Variants in PDE1A observed in about 807,000 individuals in gnomAD.
PDE1A encodes the protein dual specificity calcium/calmodulin-dependent 3',5'-cyclic nucleotide phosphodiesterase 1A.
A neutral mutation model predicts 61.7 loss-of-function variants in PDE1A; 35 were observed. The observed-to-expected ratio is 0.57, with a 90% CI of 0.43 to 0.75. PDE1A has a LOEUF of 0.75. Ranked by LOEUF, PDE1A falls within the 30% of genes least tolerant of loss-of-function variation. PDE1A has a pLI of 0.00. For missense variants in PDE1A, 597 were observed against 630.6 expected, an observed-to-expected ratio of 0.95 and a Z score of 0.57; for synonymous variants, 232 against 213.2, an observed-to-expected ratio of 1.09 and a Z score of -0.77.
the PDE1A span, among the ~76,000 whole-genome samples, chr2:182,681,257 T>C: frequency 2.2e-4 from 34 of 152,126 alleles, 2 homozygotes; most frequent in South Asian, 6.8e-3. Context: ...ATATATAGCC[T>C]AGCTCTTCAA....
At chr2:182,364,473 A>AAAAAAAAAAC (rs1699708148) in intron 1 of PDE1A, among the ~76,000 whole-genome samples, 1 of 123,502 alleles carries the variant, frequency 8.1e-6, no homozygotes, top group African/African-American at 3.0e-5. Flanking sequence ...TGGTAAAAAA[A>AAAAAAAAAAC]AAAAAAAAAA....
chr2:182,181,186 T>G (rs1247884578), intron 13 of PDE1A, among the ~76,000 whole-genome samples: 1 of 152,322 alleles, frequency 6.6e-6, no homozygotes, highest in Middle Eastern at 3.4e-3. Context: ...TTTGGAATTT[T>G]CAGCGTTTTT....
chr2:182,417,811 G>A (rs1703012422), intron 1 of PDE1A, among the ~76,000 whole-genome samples: 1 of 151,964 alleles, frequency 6.6e-6, no homozygotes, highest in African/African-American at 2.4e-5. Context: ...CAGAGTTAAC[G>A]AATCAAAATC....
chr2:182,513,927 G>A (rs950968299), intron 2 of PDE1A, among the ~76,000 whole-genome samples: 1 of 152,162 alleles, frequency 6.6e-6, no homozygotes, highest in Non-Finnish European at 1.5e-5. Context: ...CAACACTGGA[G>A]CATCCAGATT....
the PDE1A span, among the ~76,000 whole-genome samples, chr2:182,668,852 TC>T: frequency 3.3e-5 from 5 of 152,090 alleles, no homozygotes. Flanking sequence ...ACTCTCTCTC[TC>T]TCTCCTGCCT....
At chr2:182,203,029 A>G (rs1686792829) in intron 8 of PDE1A, among the ~76,000 whole-genome samples, 1 of 151,130 alleles carries the variant, frequency 6.6e-6, no homozygotes, top group South Asian at 2.1e-4. Flanking sequence ...AAAAAACTAT[A>G]TATTGGCTGG....
intron 1 of PDE1A, among the ~76,000 whole-genome samples, chr2:182,327,330 G>T (rs1207526667): frequency 6.6e-6 from 1 of 152,084 alleles, no homozygotes; most frequent in Non-Finnish European, 1.5e-5. Context: ...AGAAAATGTA[G>T]GCAATGTGGA....
intron 1 of PDE1A, among the ~76,000 whole-genome samples, chr2:182,304,981 C>T (rs1401111218): frequency 6.6e-6 from 1 of 152,090 alleles, no homozygotes; most frequent in Non-Finnish European, 1.5e-5. Flanking sequence ...ATAAAGACCC[C>T]AACTCCATTG....
At chr2:182,594,108 TAAG>T in the PDE1A span, among the ~76,000 whole-genome samples, 1 of 152,198 alleles carries the variant, frequency 6.6e-6, no homozygotes, top group Non-Finnish European at 1.5e-5. Flanking sequence ...GCTGAAATAA[TAAG>T]GTGAGATTAA....
chr2:182,605,377 G>C, the PDE1A span, among the ~76,000 whole-genome samples: 1 of 151,966 alleles, frequency 6.6e-6, no homozygotes, highest in African/African-American at 2.4e-5. Flanking sequence ...CCAGGCAGAG[G>C]TGTCATTCCA....
intron 2 of PDE1A, among the ~76,000 whole-genome samples, chr2:182,519,003 A>C (rs1690388680): frequency 6.6e-6 from 1 of 152,164 alleles, no homozygotes; most frequent in Non-Finnish European, 1.5e-5. Flanking sequence ...GCAACAGTAC[A>C]TGACACAAAA....
At chr2:182,636,025 G>A in the PDE1A span, among the ~76,000 whole-genome samples, 3 of 136,912 alleles carry the variant, frequency 2.2e-5, no homozygotes, top group Admixed American at 7.9e-5. Flanking sequence ...GCACTATCTC[G>A]GCTCACTGCA....
At chr2:182,278,198 T>C (rs1693566712) in intron 1 of PDE1A, among the ~76,000 whole-genome samples, 1 of 151,966 alleles carries the variant, frequency 6.6e-6, no homozygotes, top group African/African-American at 2.4e-5. Context: ...AGTCTGAAAA[T>C]GGGCACATTT....
chr2:182,392,782 A>G (rs1368101078), intron 1 of PDE1A, among the ~76,000 whole-genome samples: 2 of 152,264 alleles, frequency 1.3e-5, no homozygotes, highest in Non-Finnish European at 2.9e-5. Context: ...GGGCAGTCAA[A>G]TCTTAAAGCT....
At chr2:182,549,298 A>G in the PDE1A span, among the ~76,000 whole-genome samples, 1 of 152,128 alleles carries the variant, frequency 6.6e-6, no homozygotes, top group Non-Finnish European at 1.5e-5. Context: ...CCAGAATTAC[A>G]TTTCTATTAA....
chr2:182,670,592 G>A, the PDE1A span, among the ~76,000 whole-genome samples: 1 of 152,134 alleles, frequency 6.6e-6, no homozygotes, highest in Non-Finnish European at 1.5e-5. Flanking sequence ...CAGACCAATT[G>A]AATTAAAATC....
At chr2:182,177,347 ATTG>A (rs1423240471) in intron 13 of PDE1A, among the ~76,000 whole-genome samples, 1 of 151,888 alleles carries the variant, frequency 6.6e-6, no homozygotes, top group Non-Finnish European at 1.5e-5. Flanking sequence ...GCTATTGATT[ATTG>A]CCACAATTTC....
intron 13 of PDE1A, among the ~76,000 whole-genome samples, chr2:182,173,222 G>C (rs1021184216): frequency 6.6e-6 from 1 of 151,988 alleles, no homozygotes; most frequent in East Asian, 1.9e-4. Context: ...ACTGGAGAAA[G>C]GGCATGTTGA....
the PDE1A span, among the ~76,000 whole-genome samples, chr2:182,643,559 G>A: frequency 3.3e-5 from 5 of 152,056 alleles, no homozygotes; most frequent in Non-Finnish European, 7.3e-5. Flanking sequence ...ATTATTTTTC[G>A]AGTGAGGCAT....
Sources: gnomAD v4.1 joint callset for allele counts (sites outside exome capture counted in the v4.1 genomes callset) on GRCh38, gnomAD v4.1.1 for gene constraint, MANE v1.5 for transcripts, NCBI Gene and HGNC (gene_info 2026-07-23, HGNC 2026-07-21) for gene names.